The following FAAH2 variants were observed in gnomAD, a reference collection of about 807,000 sequenced individuals.
The protein encoded by FAAH2 is fatty acid amide hydrolase 2, also known as fatty-acid amide hydrolase 2.
Under a neutral mutation model 36.9 loss-of-function variants are expected in FAAH2, and 60 were observed. The observed-to-expected ratio is 1.63, with a 90% CI of 1.32 to 2.02. The LOEUF is 2.02. Ranked by LOEUF, FAAH2 falls within the 30% of genes most tolerant of loss-of-function variation. The pLI is 0.00. For synonymous variants in FAAH2, 214 were observed against 143.8 expected (o/e 1.49, Z -3.49); for missense variants, 689 against 397.5 (o/e 1.73, Z -6.23).
chrX:57,282,031 C>T (rs1181541038), upstream of FAAH2, among the ~76,000 whole-genome samples: 1 of 112,041 alleles, frequency 8.9e-6, no homozygotes, highest in African/African-American at 3.2e-5. Context: ...AAAGAACATA[C>T]AGATGCATGT....
chrX:57,445,295 C>G (rs2056651838), intron 8 of FAAH2, among the ~76,000 whole-genome samples: 2 of 111,385 alleles, frequency 1.8e-5, no homozygotes, highest in African/African-American at 6.5e-5. Context: ...GGAAAATTTC[C>G]TGGGTCACCA....
the FAAH2 span, among the ~76,000 whole-genome samples, chrX:57,259,233 A>C: frequency 1.8e-5 from 2 of 111,821 alleles, no homozygotes; most frequent in Non-Finnish European, 1.9e-5. Context: ...CATATAATCC[A>C]GTGATTTTAG....
At chrX:57,199,837 A>G in the FAAH2 span, among the ~76,000 whole-genome samples, 34 of 112,295 alleles carry the variant, frequency 3.0e-4, no homozygotes, top group Non-Finnish European at 5.8e-4. Flanking sequence ...ACCATTAAGT[A>G]GAAATCTTCT....
At chrX:57,355,040 C>T (rs1365378087) in intron 5 of FAAH2, among the ~76,000 whole-genome samples, 3 of 110,739 alleles carry the variant, frequency 2.7e-5, no homozygotes, top group Non-Finnish European at 5.7e-5. Context: ...GTAGGTATTA[C>T]ATTTATACAG....
rs142267241 is a variant in FAAH2 at position 57,451,203 on chromosome X, G to T, written c.1423+2485G>T. On this transcript the variant is annotated intron_variant, in intron 10 of 10. Transcript: ENST00000374900. ...GAAGAGGAAACAGGAGGCTGAACAG[G>T]GTCTCTCAGCTATGAAGTGAAGTGA... Among the ~76,000 whole-genome samples the T allele has an allele frequency of 2.0e-3, 225 of 111,282 alleles. 2 individuals are homozygous for T. The highest frequency in any genetic ancestry group is 7.1e-3 in the African/African-American group (218 of 30,658).
intron 2 of FAAH2, among the ~76,000 whole-genome samples, chrX:57,309,618 C>G (rs1441772998): frequency 9.0e-6 from 1 of 111,337 alleles, no homozygotes; most frequent in Non-Finnish European, 1.9e-5. Flanking sequence ...CTTTCCACCC[C>G]TGAGAGGCCC....
rs2055319116 is a variant in FAAH2, at chrX:57,396,945, A to G, written c.996+15916A>G. On this transcript the variant is annotated intron_variant, in intron 7 of 10. Transcript: ENST00000374900. ...TGTCAGTGAGTTATTTACGTTTCCCACTATTTTTGTATTGCTTTCTATTTT... is the reference window on the plus strand; with the variant it reads ...TGTCAGTGAGTTATTTACGTTTCCCGCTATTTTTGTATTGCTTTCTATTTT... 2.7e-5 allele frequency among the ~76,000 whole-genome samples: 3 copies of G among 110,686 alleles called. No individual in the cohort carries two copies. The Admixed American group carries it at 2.9e-4, about 11-fold the overall frequency.
At chrX:57,343,800 AG>A (rs768082256) in intron 5 of FAAH2, among the ~76,000 whole-genome samples, 1 of 111,757 alleles carries the variant, frequency 8.9e-6, no homozygotes, top group Admixed American at 9.5e-5. Flanking sequence ...ATATGGTGAA[AG>A]GTAGGGATCC....
the FAAH2 span, among the ~76,000 whole-genome samples, chrX:57,122,150 A>G: frequency 8.9e-6 from 1 of 111,951 alleles, no homozygotes; most frequent in African/African-American, 3.3e-5. Flanking sequence ...CATCAACTGC[A>G]GTCCCATCTC....
At chrX:57,188,724 A>T in the FAAH2 span, among the ~76,000 whole-genome samples, 6 of 111,092 alleles carry the variant, frequency 5.4e-5, no homozygotes, top group Non-Finnish European at 9.4e-5. Context: ...ACACTGCTTT[A>T]GCTGTGTCCC....
rs978726885 is a variant in FAAH2, at chrX:57,378,656, G to T, written c.748G>T (p.Val250Phe). ...IFGHKPSPGV[V>F]PNKGQFPLAV... ...CTGACTGTCTATCCTTTCAGGTGTG[G>T]TTCCCAACAAAGGTCAGTTTCCCTT... Residue 250 changes from valine to phenylalanine, a missense_variant, in exon 6 of 11, where the codon GTT (valine) becomes TTT (phenylalanine). Transcript: ENST00000374900. The T allele has an allele frequency of 2.5e-6, 3 of 1,209,151 alleles. No individual in the cohort carries two copies. The highest frequency in any genetic ancestry group is 2.2e-5 in the Admixed American group (1 of 45,569).
At chrX:57,377,702 C>T (rs538168556) in intron 5 of FAAH2, among the ~76,000 whole-genome samples, 23 of 111,862 alleles carry the variant, frequency 2.1e-4, no homozygotes, top group East Asian at 1.1e-3. Context: ...TAGCTTGATA[C>T]GGATAGTATT....
At chrX:57,466,522 T>C (rs1243515256) in intron 10 of FAAH2, among the ~76,000 whole-genome samples, 1 of 109,132 alleles carries the variant, frequency 9.2e-6, no homozygotes, top group African/African-American at 3.3e-5. Flanking sequence ...AAATCAGGTA[T>C]ATAAATACAA....
the FAAH2 span, among the ~76,000 whole-genome samples, chrX:57,213,026 G>T: frequency 2.7e-5 from 3 of 111,109 alleles, no homozygotes; most frequent in East Asian, 8.4e-4. Flanking sequence ...ACTCATTACT[G>T]GTCTATTCAG....
intron 7 of FAAH2, among the ~76,000 whole-genome samples, chrX:57,428,226 T>G (rs1008185540): frequency 5.4e-5 from 6 of 111,824 alleles, no homozygotes; most frequent in Non-Finnish European, 7.5e-5. Flanking sequence ...TATCAAACAC[T>G]GATTAAAGGA....
At chrX:57,159,532 G>T in the FAAH2 span, among the ~76,000 whole-genome samples, 4 of 110,382 alleles carry the variant, frequency 3.6e-5, no homozygotes, top group African/African-American at 1.3e-4. Context: ...GTGGTTTGTA[G>T]TTCTCCTTGA....
At chrX:57,152,088 T>C in the FAAH2 span, among the ~76,000 whole-genome samples, 7 of 111,735 alleles carry the variant, frequency 6.3e-5, no homozygotes, top group Non-Finnish European at 1.1e-4. Context: ...ACAGTGGATA[T>C]TGGTGATCTG....
upstream of FAAH2, among the ~76,000 whole-genome samples, chrX:57,282,383 G>C (rs1408053009): frequency 2.7e-5 from 3 of 111,787 alleles, no homozygotes; most frequent in Admixed American, 9.5e-5. Flanking sequence ...AGAAGTGTCT[G>C]TTTATGTTTC....
the FAAH2 span, chrX:57,229,385 C>A: frequency 1.4e-4 from 16 of 112,104 alleles, no homozygotes; most frequent in Admixed American, 1.5e-3. Flanking sequence ...AACCTTGAGA[C>A]ACATCTCATC....
Sources: allele counts gnomAD v4.1 joint callset (sites outside exome capture counted in the v4.1 genomes callset), GRCh38; gene constraint gnomAD v4.1.1; transcripts MANE v1.5; gene names NCBI Gene and HGNC (gene_info 2026-07-23, HGNC 2026-07-21).